The following RIOK1 variants were observed in gnomAD, a reference collection of about 807,000 sequenced individuals.
RIOK1 encodes the protein RIO kinase 1, also known as serine/threonine-protein kinase RIO1.
In RIOK1, 66 loss-of-function variants were observed where a neutral mutation model predicts 73.5. That is an observed-to-expected ratio of 0.90 (90% CI 0.74 to 1.10). The LOEUF (loss-of-function observed/expected upper bound fraction) is 1.10. Ranked by LOEUF, RIOK1 falls within the 50% of genes least tolerant of loss-of-function variation. The probability of loss-of-function intolerance (pLI) is 0.00; values close to 1 mark genes in which losing one functional copy is unlikely to be tolerated. For missense variants in RIOK1, 658 were observed against 699.8 expected (o/e 0.94, Z 0.67); for synonymous variants, 224 against 226.8 (o/e 0.99, Z 0.11).
chr6:7,412,912 A>G lies in RIOK1; in HGVS notation c.1413A>G (p.Gly471=). 1.3e-6 allele frequency: 2 copies of G among 1,555,020 alleles called. No individual in the cohort carries two copies. The highest frequency in any genetic ancestry group is 1.7e-6 in the Non-Finnish European group (2 of 1,155,062). ...QDNILYQTVT[G]LKKDLSGVQK... ...AGATTCTATACCAGACTGTTACAGGATTGAAGAAAGATTTGTCAGGAGTTC... is the reference window on the plus strand; with the variant it reads ...AGATTCTATACCAGACTGTTACAGGGTTGAAGAAAGATTTGTCAGGAGTTC... The change falls in exon 15 of 17, where the codon GGA becomes GGG. Residue 471 remains glycine, a synonymous_variant. Transcript: ENST00000379834.
chr6:7,401,237 T>A (rs998331774), intron 6 of RIOK1, among the ~76,000 whole-genome samples, 187 bp downstream of exon 6: 9 of 152,238 alleles, frequency 5.9e-5, no homozygotes, highest in African/African-American at 2.2e-4. Flanking sequence ...CTGCATTGGA[T>A]CATTGAGTCT....
intron 13 of RIOK1, among the ~76,000 whole-genome samples, chr6:7,410,656 A>T (rs1761864178): frequency 6.6e-6 from 1 of 152,226 alleles, no homozygotes; most frequent in Non-Finnish European, 1.5e-5. Flanking sequence ...TCCACTCAGC[A>T]ACCTGTTAGC....
intron 15 of RIOK1, 109 bp from the exon 16 acceptor site, chr6:7,414,129 A>G: frequency 1.1e-6 from 1 of 938,246 alleles, no homozygotes. Context: ...AGTTTTTAAC[A>G]TATATTTGCG....
At chr6:7,409,837 C>T (rs529666618) in intron 12 of RIOK1, among the ~76,000 whole-genome samples, 155 of 149,210 alleles carry the variant, frequency 1.0e-3, no homozygotes, top group Middle Eastern at 7.0e-3. Flanking sequence ...ACTATTTTTT[C>T]CTTTCTTCTA....
intron 1 of RIOK1, among the ~76,000 whole-genome samples, chr6:7,392,575 A>C (rs912321500): frequency 6.6e-6 from 1 of 151,468 alleles, no homozygotes; most frequent in Non-Finnish European, 1.5e-5. Context: ...GCTGGAGTAC[A>C]GTGGCACGAT....
intron 16 of RIOK1, among the ~76,000 whole-genome samples, chr6:7,415,280 T>A (rs908168683): frequency 6.6e-6 from 1 of 152,154 alleles, no homozygotes; most frequent in Non-Finnish European, 1.5e-5. Context: ...GATGAGCACC[T>A]GTAGTCCCAA....
Position 7,417,426 on chromosome 6 carries a change from G to GA in RIOK1, c.1698dup (p.Gly567ArgfsTer5). On this transcript the variant is annotated frameshift_variant, in exon 17 of 17. Transcript: ENST00000379834. LOFTEE classifies it high-confidence loss of function. ...AAAGAAAGGAGAAGACAGCCAAGAC[G>GA]AAAAAAGGCAAATAGAATGAGAACC... 1 of 1,546,374 alleles carries GA rather than the reference G, an allele frequency of 6.5e-7. No homozygotes were observed. Among genetic ancestry groups the GA allele is most frequent in the Non-Finnish European group, 8.7e-7 (1 of 1,146,538 alleles).
intron 11 of RIOK1, 111 bp downstream of exon 11, chr6:7,405,132 T>C (rs903526799): frequency 1.8e-5 from 19 of 1,076,084 alleles, no homozygotes; most frequent in Admixed American, 6.0e-5. Context: ...GCAGTGATGC[T>C]TAAACCATTT....
rs1488228694 is a variant in RIOK1, at chr6:7,418,013, G to C, written c.*572G>C. On this transcript the variant is annotated 3_prime_UTR_variant, in exon 17 of 17. Transcript: ENST00000379834. ...TTCTTTTTGGAGTTAGGACCTCTCA[G>C]TTCATAAAGTTTTTTACAATTCAAT... is the stretch of plus-strand genomic sequence containing the variant. The C allele has an allele frequency of 6.6e-6, 1 of 152,166 alleles. No individual in the cohort carries two copies. Among genetic ancestry groups the C allele is most frequent in the Non-Finnish European group, 1.5e-5 (1 of 68,032 alleles). The allele number at this position is 152,166 out of a possible 1,614,324, so 9.4% of individuals were successfully genotyped here. A position where few individuals can be genotyped will look rare whatever the true frequency, so the allele number is the denominator to read the frequency against.
chr6:7,408,923 G>T (rs1327941154), intron 12 of RIOK1, among the ~76,000 whole-genome samples: 2 of 151,720 alleles, frequency 1.3e-5, no homozygotes, highest in Non-Finnish European at 2.9e-5. Flanking sequence ...GTTTCTCCAT[G>T]TTGGTCAGGC....
intron 8 of RIOK1, among the ~76,000 whole-genome samples, chr6:7,403,483 T>C (rs1761663815): frequency 6.6e-6 from 1 of 152,236 alleles, no homozygotes; most frequent in Admixed American, 6.5e-5. Flanking sequence ...TTATAACTTT[T>C]TATATGGTGT....
chr6:7,405,381 T>C (rs761201658), intron 12 of RIOK1, 26 bp downstream of exon 12: 1 of 1,318,750 alleles, frequency 7.6e-7, no homozygotes, highest in South Asian at 1.2e-5. Flanking sequence ...GAAGGAGGAA[T>C]AGGAAATAGC....
chr6:7,404,837 C>A (rs1761704806), intron 10 of RIOK1, 81 bp from the exon 11 acceptor site: 2 of 1,214,636 alleles, frequency 1.6e-6, no homozygotes, highest in South Asian at 1.3e-5. Context: ...ACTTCCCTTG[C>A]TTTTAAGAGT....
rs780270166 is a variant in RIOK1, at chr6:7,402,626, A to T, written c.597A>T (p.Thr199=). 43 of 1,608,964 alleles carry T rather than the reference A, an allele frequency of 2.7e-5. No individual in the cohort carries two copies. In the South Asian group the frequency reaches 4.5e-4, roughly 17 times the overall value. ...AGGCTAATGTATACCATGCTAGCAC[A>T]GCAAATGGAGAGAGCAGAGCAATCA... ...GKEANVYHAS[T]ANGESRAIKI... Residue 199 remains threonine (T), a synonymous_variant, in exon 7 of 17, where the codon ACA becomes ACT. Transcript: ENST00000379834.
chr6:7,389,824 T>C lies in RIOK1; in HGVS notation c.-179T>C. 5.0e-6 allele frequency: 3 copies of C among 603,410 alleles called. No homozygotes were observed. The highest frequency in any genetic ancestry group is 3.0e-6 in the Non-Finnish European group (1 of 334,862). The allele number at this position is 603,410 out of a possible 1,614,324, so 37.4% of individuals were successfully genotyped here. ...GGCGGTGAGGGGCTTCCGGTTGGGG[T>C]GGCAGGGTGGTGGATCTGTCGGTCC... On this transcript the variant is annotated 5_prime_UTR_variant, in exon 1 of 17. Transcript: ENST00000379834.
intron 3 of RIOK1, among the ~76,000 whole-genome samples, chr6:7,396,293 A>G (rs893664270): frequency 6.6e-6 from 1 of 152,242 alleles, no homozygotes; most frequent in South Asian, 2.1e-4. Flanking sequence ...CTAAATTAAT[A>G]TAAGTATTTT....
intron 12 of RIOK1, among the ~76,000 whole-genome samples, chr6:7,406,052 T>C (rs1217609653): frequency 6.6e-6 from 1 of 151,764 alleles, no homozygotes; most frequent in Non-Finnish European, 1.5e-5. Flanking sequence ...GGCTGGAACA[T>C]AGTGGCGCAC....
intron 1 of RIOK1, among the ~76,000 whole-genome samples, chr6:7,392,602 C>T (rs953402870): frequency 2.6e-5 from 4 of 151,850 alleles, no homozygotes; most frequent in East Asian, 1.9e-4. Flanking sequence ...TCACTGCAGC[C>T]GTGAACTCCT....
chr6:7,394,414 A>G (rs1344756986), intron 2 of RIOK1, among the ~76,000 whole-genome samples: 3 of 152,240 alleles, frequency 2.0e-5, no homozygotes, highest in Non-Finnish European at 2.9e-5. Context: ...AGCCTGGGCA[A>G]CAGAGCGAGA....
Sources: allele counts gnomAD v4.1 joint callset (sites outside exome capture counted in the v4.1 genomes callset), GRCh38; gene constraint gnomAD v4.1.1; transcripts MANE v1.5; gene names NCBI Gene and HGNC (gene_info 2026-07-23, HGNC 2026-07-21).